Variants in DCLK3 observed in about 807,000 individuals in gnomAD.
DCLK3 encodes doublecortin like kinase 3, also known as serine/threonine-protein kinase DCLK3.
A neutral mutation model predicts 46.4 loss-of-function variants in DCLK3; 30 were observed. That is an observed-to-expected ratio of 0.65 (90% CI 0.48 to 0.88). The LOEUF is 0.88. Ranked by LOEUF, DCLK3 falls within the 40% of genes least tolerant of loss-of-function variation. DCLK3 has a pLI of 0.00. For synonymous variants in DCLK3, 401 were observed against 339.2 expected, an observed-to-expected ratio of 1.18 and a Z score of -2.00; for missense variants, 846 against 907.1, an observed-to-expected ratio of 0.93 and a Z score of 0.87.
intron 3 of DCLK3, among the ~76,000 whole-genome samples, chr3:36,720,378 G>A (rs547472451): frequency 1.3e-5 from 2 of 152,228 alleles, no homozygotes; most frequent in Non-Finnish European, 2.9e-5. Flanking sequence ...CCCAGCCTTC[G>A]TTATTTCTAT....
At chr3:36,748,321 T>A (rs1217469526) in intron 1 of DCLK3, among the ~76,000 whole-genome samples, 1 of 152,072 alleles carries the variant, frequency 6.6e-6, no homozygotes, top group Admixed American at 6.5e-5. Flanking sequence ...GAACAGCTGG[T>A]TTAAGTGTTG....
chr3:36,723,884 T>C (rs1436438963), intron 2 of DCLK3, among the ~76,000 whole-genome samples: 2 of 152,204 alleles, frequency 1.3e-5, no homozygotes, highest in African/African-American at 4.8e-5. Context: ...ACTGGGGCAC[T>C]GCCTAATGGA....
In DCLK3 at chr3:36,715,234, G is replaced by A; in HGVS notation, c.*94C>T. 1.7e-5 allele frequency: 24 copies of A among 1,407,358 alleles called. 1 individual carries two copies. In the South Asian group the frequency reaches 3.1e-4, roughly 18 times the overall value. The allele number at this position is 1,407,358 out of a possible 1,614,324, so 87.2% of individuals were successfully genotyped here. A position where few individuals can be genotyped will look rare whatever the true frequency, so the allele number is the denominator to read the frequency against. ...TCTCCCTCTGATTCACCAATTATGTGAAGAAGCCTCTTTCATTGTTTTTCT... is the reference window on the plus strand; with the variant it reads ...TCTCCCTCTGATTCACCAATTATGTAAAGAAGCCTCTTTCATTGTTTTTCT... On this transcript the variant is annotated 3_prime_UTR_variant, in exon 5 of 5. Coordinates refer to ENST00000636136, the MANE Select transcript of DCLK3 (RefSeq NM_001394672.2).
intron 1 of DCLK3, among the ~76,000 whole-genome samples, chr3:36,745,145 T>A (rs1038530660): frequency 6.6e-6 from 1 of 152,208 alleles, no homozygotes; most frequent in African/African-American, 2.4e-5. Context: ...TTCTCTGTTA[T>A]AAGATTAGCT....
intron 1 of DCLK3, among the ~76,000 whole-genome samples, chr3:36,753,340 C>T (rs1408613678): frequency 1.3e-5 from 2 of 152,182 alleles, no homozygotes; most frequent in African/African-American, 4.8e-5. Flanking sequence ...AACATGCTCA[C>T]TTAAGACTAA....
rs775928320 is a variant in DCLK3 at position 36,737,948 on chromosome 3, C to T, written c.1219G>A (p.Gly407Arg). ...AGGTCCTTCTTGGCCTTGGCTGCTC[C>T]CTGAGCATGGCTTTCTTGATCCTCT... The part of the protein sequence containing the change: ...GPEDQESHAQ[G>R]AAKAKKDLVE... Residue 407 changes from glycine (G) to arginine (R), a missense_variant, in exon 2 of 5, where the codon GGA (glycine) becomes AGA (arginine). This residue lies in a region of DCLK3 where 553 missense variants were observed against 543.0 expected (regional missense o/e 1.02). Transcript: ENST00000636136. This position sits in a 1 kb window ranked among gnomAD's most constrained non-coding sequence, Gnocchi z 4.4. 8.7e-6 allele frequency: 14 copies of T among 1,614,138 alleles called. No individual in the cohort carries two copies. Among genetic ancestry groups the T allele is most frequent in the Non-Finnish European group, 6.8e-6 (8 of 1,180,014 alleles).
At position 36,718,038 on chromosome 3, in the gene DCLK3, G is replaced by T. The variant is rs764542912; in HGVS notation, c.2232C>A (p.Leu744=). 5.9e-5 allele frequency: 95 copies of T among 1,614,044 alleles called. No homozygotes were observed. The highest frequency in any genetic ancestry group is 7.9e-5 in the Non-Finnish European group (93 of 1,180,030). ...CAGAGATATTGTCCCAGTAAGGGGG[G>T]AGGAACTCAAAGTGGCCCAGCTGGA... ...NIIQLGHFEF[L]PPYWDNISDA... is the part of the protein sequence containing the mutation. The change falls in exon 4 of 5, where the codon CTC becomes CTA. Residue 744 remains leucine (L), a synonymous_variant. Transcript: ENST00000636136.
At chr3:36,755,255 T>C (rs1701475664) in intron 1 of DCLK3, among the ~76,000 whole-genome samples, 1 of 152,178 alleles carries the variant, frequency 6.6e-6, no homozygotes, top group African/African-American at 2.4e-5. Context: ...GAAACACTAA[T>C]ACAATTTTTG....
intron 2 of DCLK3, among the ~76,000 whole-genome samples, chr3:36,732,516 AG>A (rs1295586996): frequency 6.6e-6 from 1 of 152,224 alleles, no homozygotes; most frequent in Non-Finnish European, 1.5e-5. Context: ...AGTTCTCCAG[AG>A]GAGTTCAATC....
intron 2 of DCLK3, among the ~76,000 whole-genome samples, chr3:36,731,323 C>T (rs900673524): frequency 6.6e-6 from 1 of 152,010 alleles, no homozygotes; most frequent in African/African-American, 2.4e-5. Flanking sequence ...CACAGTTCCC[C>T]AACCCAGAGA....
chr3:36,737,565 C>G lies in DCLK3; in HGVS notation c.1602G>C (p.Gly534=). Residue 534 remains glycine, a synonymous_variant, in exon 2 of 5, where the codon GGG becomes GGC. Coordinates refer to ENST00000636136, the MANE Select transcript of DCLK3 (RefSeq NM_001394672.2). The surrounding 1 kb of genome is among the most constrained non-coding windows in gnomAD (Gnocchi z 4.4). The part of the protein sequence containing the change: ...HYETGRVIGD[G]NFAVVKECRH... ...TGCACTCCTTCACGACAGCAAAGTT[C>G]CCATCCCCAATGACCCGGCCAGTCT... 2 of 1,614,168 alleles carry G rather than the reference C, an allele frequency of 1.2e-6. No individual in the cohort carries two copies. The highest frequency in any genetic ancestry group is 1.7e-6 in the Non-Finnish European group (2 of 1,180,046).
At chr3:36,715,548 G>A in intron 4 of DCLK3, 27 bp from the exon 5 acceptor site, 1 of 1,514,518 alleles carries the variant, frequency 6.6e-7, no homozygotes, top group East Asian at 2.3e-5. Context: ...AGGGGAAAAT[G>A]TGATGAATGC....
intron 2 of DCLK3, among the ~76,000 whole-genome samples, chr3:36,726,809 C>T (rs1374025931): frequency 3.3e-5 from 5 of 152,002 alleles, no homozygotes; most frequent in African/African-American, 4.8e-5. Context: ...ACTGACATAG[C>T]CCAAAAGGAG....
intron 2 of DCLK3, among the ~76,000 whole-genome samples, chr3:36,726,679 T>C (rs1228448429): frequency 6.6e-6 from 1 of 152,172 alleles, no homozygotes; most frequent in Non-Finnish European, 1.5e-5. Flanking sequence ...GCATGTGTCT[T>C]AATTGCTGAG....
At chr3:36,721,693 T>C (rs1288241771) in intron 2 of DCLK3, 34 bp from the exon 3 acceptor site, 3 of 1,613,634 alleles carry the variant, frequency 1.9e-6, no homozygotes, top group East Asian at 2.2e-5. Context: ...ACCACCAAAA[T>C]TGTGATTAGA....
intron 1 of DCLK3, among the ~76,000 whole-genome samples, chr3:36,757,030 G>T (rs1301022888): frequency 6.6e-6 from 1 of 151,942 alleles, no homozygotes; most frequent in African/African-American, 2.4e-5. Flanking sequence ...AGCCACTTCT[G>T]GCAATCTGCT....
intron 3 of DCLK3, 114 bp from the exon 4 acceptor site, chr3:36,718,291 C>T: frequency 6.9e-7 from 1 of 1,444,270 alleles, no homozygotes. Flanking sequence ...TAGAGGATCC[C>T]AGCTCTCAGC....
chr3:36,730,952 C>A (rs979276018), intron 2 of DCLK3, among the ~76,000 whole-genome samples: 3 of 151,696 alleles, frequency 2.0e-5, no homozygotes, highest in East Asian at 1.9e-4. Flanking sequence ...AGGAGCAGGG[C>A]GAGTGAGGAG....
At chr3:36,726,573 G>T (rs1449313745) in intron 2 of DCLK3, among the ~76,000 whole-genome samples, 2 of 152,050 alleles carry the variant, frequency 1.3e-5, no homozygotes. Context: ...ACCTAGAATG[G>T]CAGGGTGGAG....
Sources: gnomAD v4.1 joint callset for allele counts (sites outside exome capture counted in the v4.1 genomes callset) on GRCh38, gnomAD v4.1.1 for gene constraint, gnomAD v4.1.1 regional missense constraint, Gnocchi (gnomAD v3.1) non-coding constraint, MANE v1.5 for transcripts, NCBI Gene and HGNC (gene_info 2026-07-23, HGNC 2026-07-21) for gene names.